RALYL: variants seen among roughly 807,000 people sequenced by gnomAD.
RALYL encodes RALY RNA binding protein like, also known as RNA-binding Raly-like protein.
In RALYL, 29 loss-of-function variants were observed where a neutral mutation model predicts 35.1. The observed-to-expected ratio is 0.83, with a 90% CI of 0.61 to 1.13. The LOEUF (loss-of-function observed/expected upper bound fraction) is 1.13. Among genes scored for constraint, RALYL ranks in the 50% most tolerant of loss-of-function variants. The pLI is 0.00. For missense variants in RALYL, 359 were observed against 360.4 expected, an observed-to-expected ratio of 1.00 and a Z score of 0.03; for synonymous variants, 120 against 127.6, an observed-to-expected ratio of 0.94 and a Z score of 0.40.
intron 3 of RALYL, among the ~76,000 whole-genome samples, chr8:84,775,896 T>C (rs150417922): frequency 6.6e-6 from 1 of 152,344 alleles, no homozygotes; most frequent in Non-Finnish European, 1.5e-5. Context: ...GTGCTGACTT[T>C]GTGTCTATTG....
intron 1 of RALYL, among the ~76,000 whole-genome samples, chr8:84,394,663 T>C (rs1439703053): frequency 6.6e-6 from 1 of 152,008 alleles, no homozygotes; most frequent in Admixed American, 6.6e-5. Flanking sequence ...GGATATACCA[T>C]ATATATGATG....
At chr8:84,599,713 T>TCAA (rs528265934) in intron 2 of RALYL, among the ~76,000 whole-genome samples, 5 of 151,964 alleles carry the variant, frequency 3.3e-5, no homozygotes, top group African/African-American at 2.4e-5. Context: ...ACCCTCTCCC[T>TCAA]CAACAACAAC....
intron 1 of RALYL, among the ~76,000 whole-genome samples, chr8:84,242,042 C>T (rs1315630510): frequency 6.6e-6 from 1 of 152,056 alleles, no homozygotes; most frequent in African/African-American, 2.4e-5. Context: ...TGTGTTGTTC[C>T]CCCCATGTGT....
intron 7 of RALYL, 137 bp from the exon 8 acceptor site, chr8:84,887,467 G>C: frequency 1.7e-6 from 1 of 595,182 alleles, no homozygotes. Flanking sequence ...TCAACTTAAA[G>C]CATAATATTA....
chr8:84,241,273 A>G (rs1827805446), intron 1 of RALYL, among the ~76,000 whole-genome samples: 1 of 151,790 alleles, frequency 6.6e-6, no homozygotes, highest in Non-Finnish European at 1.5e-5. Context: ...TTCTTTCTCT[A>G]TATAGTCTCT....
At chr8:84,704,371 G>A (rs965167167) in intron 2 of RALYL, among the ~76,000 whole-genome samples, 1 of 151,890 alleles carries the variant, frequency 6.6e-6, no homozygotes, top group Non-Finnish European at 1.5e-5. Flanking sequence ...TTTGCAGTGA[G>A]CCTAGATCGC....
At chr8:84,391,351 C>A (rs1362891840) in intron 1 of RALYL, among the ~76,000 whole-genome samples, 1 of 151,906 alleles carries the variant, frequency 6.6e-6, no homozygotes, top group African/African-American at 2.4e-5. Context: ...ATGTTTGAAA[C>A]AAAGAAAAGT....
chr8:84,878,322 A>C (rs1269125705), intron 7 of RALYL, among the ~76,000 whole-genome samples: 1 of 152,184 alleles, frequency 6.6e-6, no homozygotes, highest in East Asian at 1.9e-4. Flanking sequence ...CTACCACAGC[A>C]CTGGCAGGAC....
intron 4 of RALYL, among the ~76,000 whole-genome samples, chr8:84,849,566 T>G (rs1835387649): frequency 6.6e-6 from 1 of 151,754 alleles, no homozygotes; most frequent in African/African-American, 2.4e-5. Flanking sequence ...TTTTTGTTTT[T>G]TTTTTTTTGA....
chr8:84,273,655 A>T (rs1409884037), intron 1 of RALYL, among the ~76,000 whole-genome samples: 1 of 152,240 alleles, frequency 6.6e-6, no homozygotes, highest in East Asian at 1.9e-4. Flanking sequence ...AGCTCTTAGT[A>T]TTACTTGACA....
At chr8:84,419,066 A>C (rs1005985245) in intron 1 of RALYL, among the ~76,000 whole-genome samples, 17 of 152,128 alleles carry the variant, frequency 1.1e-4, no homozygotes, top group African/African-American at 3.4e-4. Context: ...TCCGTATGTA[A>C]AAAAGATAAG....
At chr8:84,415,436 T>G (rs112083319) in intron 1 of RALYL, among the ~76,000 whole-genome samples, 1 of 151,996 alleles carries the variant, frequency 6.6e-6, no homozygotes, top group Non-Finnish European at 1.5e-5. Context: ...GATGGGGTTT[T>G]GCCATGTTGG....
intron 1 of RALYL, among the ~76,000 whole-genome samples, chr8:84,411,648 G>C (rs1003185393): frequency 9.9e-5 from 15 of 151,888 alleles, no homozygotes; most frequent in Non-Finnish European, 1.2e-4. Flanking sequence ...AAAATATCAG[G>C]CACTTAATAA....
intron 2 of RALYL, among the ~76,000 whole-genome samples, chr8:84,547,785 T>C (rs540020066): frequency 1.3e-5 from 2 of 152,342 alleles, no homozygotes; most frequent in Admixed American, 1.3e-4. Context: ...TAAACATTCA[T>C]ATGATAAAAG....
At chr8:84,675,766 G>A (rs780623243) in intron 2 of RALYL, among the ~76,000 whole-genome samples, 45 of 152,082 alleles carry the variant, frequency 3.0e-4, no homozygotes, top group Non-Finnish European at 6.0e-4. Context: ...GTCCATAGAC[G>A]TTAGATCGTC....
chr8:84,394,164 C>G (rs1325409644), intron 1 of RALYL, among the ~76,000 whole-genome samples: 1 of 152,026 alleles, frequency 6.6e-6, no homozygotes, highest in Non-Finnish European at 1.5e-5. Flanking sequence ...CGTTCACTTC[C>G]TTCTGACCAC....
intron 1 of RALYL, among the ~76,000 whole-genome samples, chr8:84,235,951 G>A (rs1017077182): frequency 1.3e-5 from 2 of 151,672 alleles, no homozygotes; most frequent in African/African-American, 4.8e-5. Context: ...ATTTTTAGTA[G>A]AGACAGGGTT....
intron 1 of RALYL, among the ~76,000 whole-genome samples, chr8:84,388,726 T>C (rs1354530940): frequency 4.6e-5 from 7 of 152,140 alleles, no homozygotes; most frequent in Admixed American, 6.5e-5. Context: ...GAGTTCATTG[T>C]AGATTCTGGA....
Position 84,518,046 on chromosome 8 carries a change from G to A in RALYL, c.-23-11253G>A, listed in dbSNP as rs192970395. Among the ~76,000 whole-genome samples the A allele has an allele frequency of 3.1e-3, 470 of 152,186 alleles. 1 individual carries two copies. Among genetic ancestry groups the A allele is most frequent in the Non-Finnish European group, 5.8e-3 (393 of 67,974 alleles). ...AAAAACTAAGGTAGACTTATTCTCC[G>A]AAGTTTGAAAATCTTCTATGTTATA... On this transcript the variant is annotated intron_variant, in intron 1 of 8. Coordinates refer to ENST00000521268, the MANE Select transcript of RALYL (RefSeq NM_173848.7).
Sources: allele counts gnomAD v4.1 joint callset (sites outside exome capture counted in the v4.1 genomes callset), GRCh38; gene constraint gnomAD v4.1.1; transcripts MANE v1.5; gene names NCBI Gene and HGNC (gene_info 2026-07-23, HGNC 2026-07-21).